The following THADA variants were observed in gnomAD, a reference collection of about 807,000 sequenced individuals.
The protein encoded by THADA is tRNA (32-2'-O)-methyltransferase regulator THADA.
In THADA, 213 loss-of-function variants were observed where a neutral mutation model predicts 219.8. That is an observed-to-expected ratio of 0.97 (90% CI 0.87 to 1.09). THADA has a LOEUF of 1.09. THADA is among the 50% of genes least tolerant of loss of function. The probability of loss-of-function intolerance (pLI) is 0.00; values close to 1 mark genes in which losing one functional copy is unlikely to be tolerated. For missense variants in THADA, 2,956 were observed against 2,311.3 expected (o/e 1.28, Z -5.72); for synonymous variants, 1,018 against 828.9 (o/e 1.23, Z -3.92).
intron 21 of THADA, among the ~76,000 whole-genome samples, chr2:43,528,320 G>A (rs1467596884): frequency 1.3e-5 from 2 of 151,832 alleles, no homozygotes; most frequent in Non-Finnish European, 2.9e-5. Context: ...TAGTAGAGAT[G>A]GGTTTCACCA....
chr2:43,432,737 G>C (rs1679531006), intron 26 of THADA, among the ~76,000 whole-genome samples: 1 of 152,118 alleles, frequency 6.6e-6, no homozygotes, highest in Admixed American at 6.5e-5. Flanking sequence ...ATGCAACAGT[G>C]TATCTCCCAT....
intron 20 of THADA, among the ~76,000 whole-genome samples, chr2:43,544,715 A>G (rs1695793985): frequency 6.6e-6 from 1 of 151,490 alleles, no homozygotes; most frequent in East Asian, 1.9e-4. Context: ...TGATTTTTGT[A>G]CATTGATTTT....
intron 34 of THADA, among the ~76,000 whole-genome samples, chr2:43,290,597 A>G (rs1674580544): frequency 1.3e-5 from 2 of 152,024 alleles, no homozygotes; most frequent in South Asian, 4.1e-4. Flanking sequence ...ATTTAATGTA[A>G]TTATCTAACT....
chr2:43,383,074 A>G (rs1040582442), intron 29 of THADA, among the ~76,000 whole-genome samples: 1 of 152,224 alleles, frequency 6.6e-6, no homozygotes, highest in African/African-American at 2.4e-5. Context: ...AGTGGACAAC[A>G]AAGAAAGCAC....
intron 29 of THADA, among the ~76,000 whole-genome samples, chr2:43,348,080 T>G (rs576404392): frequency 6.6e-6 from 1 of 152,340 alleles, no homozygotes; most frequent in Non-Finnish European, 1.5e-5. Context: ...CAATAGCCTT[T>G]GGGCCAAAAG....
At chr2:43,566,644 G>T (rs757668478) in intron 15 of THADA, 54 bp downstream of exon 15, 17 of 1,572,850 alleles carry the variant, frequency 1.1e-5, no homozygotes, top group Non-Finnish European at 1.4e-5. Context: ...TGTAGAATAA[G>T]TATGTTTTGA....
intron 26 of THADA, among the ~76,000 whole-genome samples, chr2:43,453,888 T>G (rs562731853): frequency 6.6e-6 from 1 of 152,206 alleles, no homozygotes; most frequent in Non-Finnish European, 1.5e-5. Context: ...CAACATAGCA[T>G]GCACTTTCTA....
intron 26 of THADA, among the ~76,000 whole-genome samples, chr2:43,433,250 C>CTGGG (rs1161369880): frequency 6.6e-6 from 1 of 151,440 alleles, no homozygotes; most frequent in African/African-American, 2.4e-5. Context: ...AGATGTGCTG[C>CTGGG]TGGGTGTGGT....
At chr2:43,510,514 GAAAT>G (rs1690272775) in intron 22 of THADA, among the ~76,000 whole-genome samples, 1 of 152,048 alleles carries the variant, frequency 6.6e-6, no homozygotes, top group Non-Finnish European at 1.5e-5. Flanking sequence ...TGTGTTTTGT[GAAAT>G]AATTTCTCTA....
intron 25 of THADA, among the ~76,000 whole-genome samples, chr2:43,489,653 T>C (rs1687365582): frequency 6.6e-6 from 1 of 152,128 alleles, no homozygotes; most frequent in African/African-American, 2.4e-5. Context: ...TACTGAATTG[T>C]CTTGGCACCT....
At chr2:43,325,876 C>A (rs1459055348) in intron 30 of THADA, among the ~76,000 whole-genome samples, 1 of 151,960 alleles carries the variant, frequency 6.6e-6, no homozygotes, top group Non-Finnish European at 1.5e-5. Context: ...TAGCTTTTTT[C>A]TTTTTCTTTT....
intron 16 of THADA, among the ~76,000 whole-genome samples, chr2:43,558,985 C>T (rs1697729512): frequency 6.6e-6 from 1 of 152,074 alleles, no homozygotes; most frequent in Middle Eastern, 3.2e-3. Flanking sequence ...GCAGAGGTCC[C>T]CTGAGCCCCT....
Position 43,589,232 on chromosome 2 carries a change from T to C in THADA, c.302+1592A>G, listed in dbSNP as rs113182147. On this transcript the variant is annotated intron_variant, in intron 4 of 37. Coordinates refer to ENST00000405975, the MANE Select transcript of THADA (RefSeq NM_022065.5). ...GCAGTGGAAGCAACCCAAATGTCCA[T>C]TGAAAGATGCATGGATGAAAAAAAT... Among the ~76,000 whole-genome samples the C allele has an allele frequency of 8.1e-4, 124 of 152,242 alleles. 1 individual carries two copies. The Middle Eastern group carries it at 0.014, about 17-fold the overall frequency.
At chr2:43,434,598 C>A (rs1185774792) in intron 26 of THADA, among the ~76,000 whole-genome samples, 1 of 152,168 alleles carries the variant, frequency 6.6e-6, no homozygotes. Context: ...CACCAGCAGG[C>A]CATCGACTGG....
chr2:43,304,199 A>G (rs1358693851), intron 31 of THADA, among the ~76,000 whole-genome samples: 1 of 152,112 alleles, frequency 6.6e-6, no homozygotes, highest in Non-Finnish European at 1.5e-5. Context: ...GTCTTGTGCC[A>G]AAATAAAAAG....
chr2:43,398,303 C>T lies in THADA; in HGVS notation c.4059-164G>A, dbSNP rs115092869. 4.2e-3 allele frequency among the ~76,000 whole-genome samples: 646 copies of T among 152,296 alleles called. 5 individuals carry two copies. Among genetic ancestry groups the T allele is most frequent in the African/African-American group, 0.015 (610 of 41,562 alleles). On this transcript the variant is annotated intron_variant, in intron 28 of 37. Transcript: ENST00000405975. ...ATGTTTTGTATCTGCACTAGTTCTA[C>T]AGGTGACTTTGCTTTGGTTAAAAAC...
chr2:43,464,340 A>C (rs1372341378), intron 26 of THADA, among the ~76,000 whole-genome samples: 1 of 152,228 alleles, frequency 6.6e-6, no homozygotes, highest in African/African-American at 2.4e-5. Context: ...GTAACAAAAA[A>C]GAAGTAGAAG....
intron 26 of THADA, among the ~76,000 whole-genome samples, chr2:43,465,618 A>G (rs991938596): frequency 5.3e-5 from 8 of 152,212 alleles, no homozygotes; most frequent in African/African-American, 1.9e-4. Flanking sequence ...AAAATACTCA[A>G]TGTCTGCTGA....
At chr2:43,263,939 CCT>C (rs1433082891) in intron 36 of THADA, among the ~76,000 whole-genome samples, 1 of 152,070 alleles carries the variant, frequency 6.6e-6, no homozygotes. Flanking sequence ...TAAATATCAC[CCT>C]GTCTCCCCAA....
Sources: allele counts gnomAD v4.1 joint callset (sites outside exome capture counted in the v4.1 genomes callset), GRCh38; gene constraint gnomAD v4.1.1; transcripts MANE v1.5; gene names NCBI Gene and HGNC (gene_info 2026-07-23, HGNC 2026-07-21).